DDX24: variants seen among roughly 807,000 people sequenced by gnomAD.
DDX24 encodes the protein DEAD-box helicase 24, also known as ATP-dependent RNA helicase DDX24.
DDX24 carries 24 observed loss-of-function variants against 68.9 expected under a neutral mutation model. That is an observed-to-expected ratio of 0.35 (90% confidence interval 0.25 to 0.49). The LOEUF is 0.49. Among genes scored for constraint, DDX24 ranks in the 20% least tolerant of loss-of-function variants. The pLI is 0.99. For synonymous variants in DDX24, 395 were observed against 385.2 expected (o/e 1.03, Z -0.30); for missense variants, 989 against 1,039.0 (o/e 0.95, Z 0.66).
At chr14:94,070,191 A>C (rs1192731437) in intron 2 of DDX24, among the ~76,000 whole-genome samples, 3 of 152,320 alleles carry the variant, frequency 2.0e-5, no homozygotes, top group African/African-American at 7.2e-5. Flanking sequence ...TAACGTACAC[A>C]AATCAGTAGC....
At chr14:94,064,142 A>C (rs895173696) in intron 2 of DDX24, among the ~76,000 whole-genome samples, 2 of 152,204 alleles carry the variant, frequency 1.3e-5, no homozygotes, top group Non-Finnish European at 2.9e-5. Context: ...TATAAACCCC[A>C]AAGCAATCAC....
In DDX24 at chr14:94,079,257, C is replaced by T; in HGVS notation, c.486G>A (p.Gly162=). 1 of 1,614,148 alleles carries T rather than the reference C, an allele frequency of 6.2e-7. No individual in the cohort carries two copies. Among genetic ancestry groups the T allele is most frequent in the Non-Finnish European group, 8.5e-7 (1 of 1,180,040 alleles). ...PKKKKNKGKK[G]LEPSQSTAAK... ...CAGCAGTGCTCTGAGAAGGCTCCAA[C>T]CCTTTTTTCCCTTTATTTTTCTTCT... is the stretch of plus-strand genomic sequence containing the variant. Residue 162 remains glycine (G), a synonymous_variant, in exon 2 of 9, where the codon GGG becomes GGA. Transcript: ENST00000621632.
In DDX24 at chr14:94,062,247, G is replaced by C; in HGVS notation, c.1093C>G (p.Gln365Glu). Residue 365 changes from glutamine (Q) to glutamate (E), a missense_variant, in exon 3 of 9, where the codon CAG (glutamine) becomes GAG (glutamate). Physicochemically the swap from Gln to Glu is conservative, Grantham distance 29. Transcript: ENST00000621632. The stretch of plus-strand genomic sequence containing the variant: ...AACTCCTGTTTTAGATTTCCAGTCT[G>C]CTCTTTATCAAGATTTTCCTCCTCA... ...ENEEENLDKE[Q>E]TGNLKQELDD... 1 of 1,614,144 alleles carries C rather than the reference G, an allele frequency of 6.2e-7. No individual in the cohort carries two copies. Among genetic ancestry groups the C allele is most frequent in the Non-Finnish European group, 8.5e-7 (1 of 1,180,018 alleles).
intron 6 of DDX24, chr14:94,057,056 A>G (rs952176317): frequency 2.6e-5 from 4 of 152,238 alleles, no homozygotes; most frequent in African/African-American, 9.7e-5. Flanking sequence ...CATCAGCATC[A>G]GCTCAATTTA....
rs1283604659 is a variant in DDX24, at chr14:94,057,962, A to G, written c.1914-65T>C. 3 of 1,457,154 alleles carry G rather than the reference A, an allele frequency of 2.1e-6. No homozygotes were observed. The East Asian group carries it at 6.8e-5, about 33-fold the overall frequency. The allele number at this position is 1,457,154 out of a possible 1,614,324, so 90.3% of individuals were successfully genotyped here. A position where few individuals can be genotyped will look rare whatever the true frequency, so the allele number is the denominator to read the frequency against. On this transcript the variant is annotated intron_variant, in intron 5 of 8. Coordinates refer to ENST00000621632, the MANE Select transcript of DDX24 (RefSeq NM_020414.4). ...GCTATCTTTAATCAAATTCTTACCA[A>G]CTGCTGAGCATCCTAAACATTACAG...
intron 2 of DDX24, among the ~76,000 whole-genome samples, chr14:94,072,785 C>T (rs1885859302): frequency 6.6e-6 from 1 of 152,110 alleles, no homozygotes; most frequent in Admixed American, 6.6e-5. Flanking sequence ...GCTGAGATAG[C>T]ACTACTGCAC....
At chr14:94,061,168 C>G (rs569990999) in intron 3 of DDX24, 102 bp from the exon 4 acceptor site, 3 of 1,344,184 alleles carry the variant, frequency 2.2e-6, no homozygotes, top group East Asian at 4.6e-5. Flanking sequence ...GACATCAGCA[C>G]AGTGTAATGC....
intron 2 of DDX24, among the ~76,000 whole-genome samples, chr14:94,069,295 C>A (rs1253946412): frequency 6.6e-6 from 1 of 151,842 alleles, no homozygotes; most frequent in Non-Finnish European, 1.5e-5. Flanking sequence ...GGAAAAAAAA[C>A]CCTCCTAGCT....
chr14:94,060,705 C>T, intron 4 of DDX24, 92 bp from the exon 5 acceptor site: 12 of 1,507,730 alleles, frequency 8.0e-6, no homozygotes, highest in Non-Finnish European at 1.1e-5. Flanking sequence ...AACACACACA[C>T]ACACACACGT....
At chr14:94,052,499 TGTA>T (rs1395982832) in intron 8 of DDX24, among the ~76,000 whole-genome samples, 1 of 152,186 alleles carries the variant, frequency 6.6e-6, no homozygotes, top group Non-Finnish European at 1.5e-5. Flanking sequence ...GGAAGGCAGG[TGTA>T]GTAGGAACCA....
Position 94,079,686 on chromosome 14 carries a change from C to G in DDX24, c.57G>C (p.Gln19His). The change falls in exon 2 of 9, where the codon CAG becomes CAC. Residue 19 changes from glutamine (Q) to histidine (H), a missense_variant. Around this residue, in one of 3 missense-constraint regions of DDX24, gnomAD observed 295 missense variants for 263.0 expected, o/e 1.12. Transcript: ENST00000621632. ...RPKQSSCGKFQTKGIKVVGKW... is the reference protein window; with the variant it reads ...RPKQSSCGKFHTKGIKVVGKW... ...TTCCCACAACTTTGATTCCCTTTGT[C>G]TGAAATTTGCCACAGCTTGACTGCT... The G allele has an allele frequency of 6.2e-7, 1 of 1,614,160 alleles. No individual in the cohort carries two copies. The highest frequency in any genetic ancestry group is 8.5e-7 in the Non-Finnish European group (1 of 1,180,028).
In DDX24 at chr14:94,060,927, G is replaced by A. The variant is rs149012377; in HGVS notation, c.1383C>T (p.Asn461=). Residue 461 remains asparagine, a synonymous_variant, in exon 4 of 9, where the codon AAC becomes AAT. Coordinates refer to ENST00000621632, the MANE Select transcript of DDX24 (RefSeq NM_020414.4). ...CCATCTATTACCTGAGCTGCCGAAG[G>A]TTCCTCAAATGATAATGCTTTTCTT... ...LIKEKHYHLR[N]LRQLRCLVVD... 9 of 1,614,190 alleles carry A rather than the reference G, an allele frequency of 5.6e-6. No individual in the cohort carries two copies. The highest frequency in any genetic ancestry group is 7.6e-6 in the Non-Finnish European group (9 of 1,180,028).
intron 2 of DDX24, among the ~76,000 whole-genome samples, chr14:94,072,217 T>G (rs1390364858): frequency 6.6e-6 from 1 of 152,096 alleles, no homozygotes; most frequent in Non-Finnish European, 1.5e-5. Flanking sequence ...TGCCCATCAA[T>G]CAACGAGTAG....
At chr14:94,080,945 G>A (rs1319902594) in intron 1 of DDX24, among the ~76,000 whole-genome samples, 174 bp downstream of exon 1, 2 of 152,182 alleles carry the variant, frequency 1.3e-5, no homozygotes, top group African/African-American at 4.8e-5. Flanking sequence ...ACCGGACAAG[G>A]AGCCCAAGGC....
At chr14:94,056,607 TC>T (rs1336798495) in intron 6 of DDX24, 1 of 73,386 alleles carries the variant, frequency 1.4e-5, no homozygotes, top group Non-Finnish European at 3.3e-5. Context: ...TAAATGTGTT[TC>T]TTTTAGTTCT....
chr14:94,062,322 C>G lies in DDX24; in HGVS notation c.1018G>C (p.Gly340Arg). 6.2e-7 allele frequency: 1 copy of G among 1,614,226 alleles called. No individual in the cohort carries two copies. The highest frequency in any genetic ancestry group is 8.5e-7 in the Non-Finnish European group (1 of 1,180,046). ...TTCTCCCTGATCAGGGAAGAAGGCCCTTCACCAGCATCATCGTCACCAAAG... is the reference window on the plus strand; with the variant it reads ...TTCTCCCTGATCAGGGAAGAAGGCCGTTCACCAGCATCATCGTCACCAAAG... Reference protein sequence around the residue: ...LLFGDDDAGEGPSSLIREKPV... With the variant: ...LLFGDDDAGERPSSLIREKPV... Residue 340 changes from glycine (G) to arginine (R), a missense_variant, in exon 3 of 9, where the codon GGG becomes CGG. Around this residue, in one of 3 missense-constraint regions of DDX24, gnomAD observed 691 missense variants for 760.0 expected, o/e 0.91. Coordinates refer to ENST00000621632, the MANE Select transcript of DDX24 (RefSeq NM_020414.4).
In DDX24 at chr14:94,048,993, C is replaced by CG. The variant is rs1228090140; in HGVS notation, c.*2197dup. On this transcript the variant is annotated 3_prime_UTR_variant, in exon 9 of 9. Transcript: ENST00000621632. Reference sequence around the variant, plus strand: ...CATGCAGCCAAGAACTCTGCTTTTCCGTGGTGCTTATGTATTAAGTAGATT... The same window carrying CG: ...CATGCAGCCAAGAACTCTGCTTTTCCGGTGGTGCTTATGTATTAAGTAGATT... 1 of 152,246 alleles carries CG rather than the reference C, an allele frequency of 6.6e-6. No homozygotes were observed. Among genetic ancestry groups the CG allele is most frequent in the East Asian group, 1.9e-4 (1 of 5,204 alleles). The allele number at this position is 152,246 out of a possible 1,614,324, so 9.4% of individuals were successfully genotyped here. A position where few individuals can be genotyped will look rare whatever the true frequency, so the allele number is the denominator to read the frequency against.
At chr14:94,058,430 C>A (rs1012288303) in intron 5 of DDX24, among the ~76,000 whole-genome samples, 3 of 152,192 alleles carry the variant, frequency 2.0e-5, no homozygotes, top group African/African-American at 7.2e-5. Flanking sequence ...CATACCCAAT[C>A]TCTTTTCTCC....
intron 2 of DDX24, 84 bp downstream of exon 2, chr14:94,078,941 T>C (rs1885999010): frequency 7.1e-7 from 1 of 1,400,208 alleles, no homozygotes; most frequent in African/African-American, 1.4e-5. Flanking sequence ...TCTTCAACAT[T>C]CTTCTCTCTC....
Sources: allele counts gnomAD v4.1 joint callset (sites outside exome capture counted in the v4.1 genomes callset), GRCh38; gene constraint gnomAD v4.1.1; regional missense constraint gnomAD v4.1.1; transcripts MANE v1.5; gene names NCBI Gene and HGNC (gene_info 2026-07-23, HGNC 2026-07-21).